GPHN: variants seen among roughly 807,000 people sequenced by gnomAD.
GPHN encodes the protein gephyrin.
GPHN carries 17 observed loss-of-function variants against 95.5 expected under a neutral mutation model. The ratio of observed to expected loss-of-function variants is 0.18; its 90% CI spans 0.12 to 0.27. The LOEUF is 0.27. Among genes scored for constraint, GPHN ranks in the 10% least tolerant of loss-of-function variants. The probability of loss-of-function intolerance (pLI) is 1.00; values close to 1 mark genes in which losing one functional copy is unlikely to be tolerated. For synonymous variants in GPHN, 320 were observed against 322.5 expected (o/e 0.99, Z 0.08); for missense variants, 660 against 978.1 (o/e 0.67, Z 4.34).
chr14:67,406,517 A>C, the GPHN span, among the ~76,000 whole-genome samples: 1 of 152,092 alleles, frequency 6.6e-6, no homozygotes. Context: ...TGGGCTCCAT[A>C]GGGGAGGTGA....
At chr14:67,707,782 TA>T in the GPHN span, among the ~76,000 whole-genome samples, 1 of 152,228 alleles carries the variant, frequency 6.6e-6, no homozygotes, top group African/African-American at 2.4e-5. Context: ...TGAATTGAGT[TA>T]ACCTCTCCTC....
chr14:67,096,026 T>G (rs1244266381), intron 12 of GPHN, among the ~76,000 whole-genome samples: 3 of 147,630 alleles, frequency 2.0e-5, no homozygotes, highest in South Asian at 2.2e-4. Flanking sequence ...CCTACTAAAT[T>G]AGAATCTGTA....
the GPHN span, among the ~76,000 whole-genome samples, chr14:67,670,825 C>T: frequency 1.3e-5 from 2 of 152,162 alleles, no homozygotes; most frequent in African/African-American, 4.8e-5. Flanking sequence ...CGTGCCCGGC[C>T]GTTTGTTTCT....
chr14:66,824,969 A>G (rs2061339767), intron 4 of GPHN, among the ~76,000 whole-genome samples: 1 of 152,186 alleles, frequency 6.6e-6, no homozygotes, highest in African/African-American at 2.4e-5. Flanking sequence ...AGATGACTGC[A>G]ATAGAATATA....
At chr14:67,111,328 C>A (rs2078360891) in intron 14 of GPHN, among the ~76,000 whole-genome samples, 1 of 152,156 alleles carries the variant, frequency 6.6e-6, no homozygotes, top group African/African-American at 2.4e-5. Flanking sequence ...GTTCCAATGT[C>A]ACAATATTAT....
At chr14:67,147,507 T>TTGTTG (rs2080968847) in intron 18 of GPHN, among the ~76,000 whole-genome samples, 1 of 150,064 alleles carries the variant, frequency 6.7e-6, no homozygotes, top group African/African-American at 2.5e-5. Context: ...GTAGGGTTTT[T>TTGTTG]TGTTTTGTTT....
intron 1 of GPHN, among the ~76,000 whole-genome samples, chr14:66,524,263 A>G (rs142209771): frequency 1.3e-5 from 2 of 152,262 alleles, no homozygotes; most frequent in East Asian, 1.9e-4. Context: ...AAAATAAAAT[A>G]TTTATATAGA....
At chr14:66,684,111 T>C (rs1192267694) in intron 2 of GPHN, among the ~76,000 whole-genome samples, 1 of 152,172 alleles carries the variant, frequency 6.6e-6, no homozygotes, top group Non-Finnish European at 1.5e-5. Flanking sequence ...ATAAGATGTG[T>C]GTTGAGTGAA....
intron 1 of GPHN, among the ~76,000 whole-genome samples, chr14:66,666,789 A>T (rs1359315010): frequency 6.6e-6 from 1 of 152,218 alleles, no homozygotes; most frequent in African/African-American, 2.4e-5. Context: ...TGGCCAGAGC[A>T]ATCAGGCAAA....
intron 1 of GPHN, among the ~76,000 whole-genome samples, chr14:66,588,608 G>A (rs192223904): frequency 5.3e-5 from 8 of 152,050 alleles, no homozygotes; most frequent in South Asian, 2.1e-4. Flanking sequence ...ATCAATAGGC[G>A]AATCGATCAA....
rs576497810 is a variant in GPHN at position 67,159,987 on chromosome 14, T to C, written c.1910+499T>C. On this transcript the variant is annotated intron_variant, in intron 19 of 22. Coordinates refer to ENST00000478722, the MANE Select transcript of GPHN (RefSeq NM_020806.5). ...TTCTCTTACCTAATCACAGTAGTATTATGTCATCTAACAAAATAAATAATA... is the reference window on the plus strand; with the variant it reads ...TTCTCTTACCTAATCACAGTAGTATCATGTCATCTAACAAAATAAATAATA... Among the ~76,000 whole-genome samples, 72 of 151,770 alleles carry C rather than the reference T, an allele frequency of 4.7e-4. 1 individual carries two copies. The highest frequency in any genetic ancestry group is 3.5e-4 in the Non-Finnish European group (24 of 67,758).
chr14:67,188,763 G>A, the GPHN span, among the ~76,000 whole-genome samples: 1 of 150,756 alleles, frequency 6.6e-6, no homozygotes, highest in African/African-American at 2.5e-5. Flanking sequence ...ACAGCCCTCG[G>A]CTCAGTTTCT....
chr14:66,712,803 A>T (rs141205292), intron 2 of GPHN, among the ~76,000 whole-genome samples: 64 of 152,282 alleles, frequency 4.2e-4, no homozygotes, highest in African/African-American at 1.4e-3. Context: ...CCACACCAAC[A>T]TCTAATGGTT....
intron 16 of GPHN, among the ~76,000 whole-genome samples, chr14:67,116,871 A>G (rs867940906): frequency 2.0e-5 from 3 of 152,236 alleles, no homozygotes; most frequent in African/African-American, 4.8e-5. Context: ...TAAGCCAGGC[A>G]ATTAGCTTAA....
At chr14:66,721,231 G>A (rs1285950370) in intron 2 of GPHN, among the ~76,000 whole-genome samples, 1 of 152,104 alleles carries the variant, frequency 6.6e-6, no homozygotes, top group Non-Finnish European at 1.5e-5. Flanking sequence ...TGCTTTCAGA[G>A]AAGAATCAAA....
the GPHN span, chr14:67,487,312 C>A: frequency 6.6e-6 from 1 of 152,488 alleles, no homozygotes; most frequent in Non-Finnish European, 1.5e-5. Context: ...CCGGAACCTA[C>A]CCCCTCCTCT....
chr14:66,809,274 T>C (rs1205235791), intron 3 of GPHN, among the ~76,000 whole-genome samples: 4 of 152,256 alleles, frequency 2.6e-5, no homozygotes, highest in East Asian at 1.9e-4. Flanking sequence ...GTACTGGGGG[T>C]ATATCACAGT....
intron 2 of GPHN, among the ~76,000 whole-genome samples, chr14:66,685,740 T>A (rs1447261541): frequency 1.3e-5 from 2 of 152,306 alleles, no homozygotes. Flanking sequence ...GTGCAGAAGC[T>A]CTTTAGTTTA....
rs557261460 is a variant in GPHN, at chr14:66,836,689, A to G, written c.294+12123A>G. ...AAATGGGAGAAAATTTTCGCAACCTACTCATCTGACAAAGCACTAATATCC... is the reference window on the plus strand; with the variant it reads ...AAATGGGAGAAAATTTTCGCAACCTGCTCATCTGACAAAGCACTAATATCC... On this transcript the variant is annotated intron_variant, in intron 4 of 22. Coordinates refer to ENST00000478722, the MANE Select transcript of GPHN (RefSeq NM_020806.5). Among the ~76,000 whole-genome samples, 866 of 146,916 alleles carry G rather than the reference A, an allele frequency of 5.9e-3. 4 individuals are homozygous for G. The highest frequency in any genetic ancestry group is 0.022 in the African/African-American group (825 of 37,836).
Sources: allele counts gnomAD v4.1 joint callset (sites outside exome capture counted in the v4.1 genomes callset), GRCh38; gene constraint gnomAD v4.1.1; transcripts MANE v1.5; gene names NCBI Gene and HGNC (gene_info 2026-07-23, HGNC 2026-07-21).